CELSR3: variants seen among roughly 807,000 people sequenced by gnomAD.
CELSR3 encodes the protein cadherin EGF LAG seven-pass G-type receptor 3, also known as EGF-like protein 1.
In CELSR3, 73 loss-of-function variants were observed where a neutral mutation model predicts 270.0. The ratio of observed to expected loss-of-function variants is 0.27; its 90% CI spans 0.22 to 0.33. The LOEUF (loss-of-function observed/expected upper bound fraction) is 0.33. CELSR3 is among the 10% of genes least tolerant of loss of function. The pLI, the probability that CELSR3 is intolerant of heterozygous loss-of-function variation, is 1.00. For missense variants in CELSR3, 3,614 were observed against 4,533.8 expected (o/e 0.80, Z 5.83); for synonymous variants, 1,780 against 1,905.4 (o/e 0.93, Z 1.71).
chr3:48,659,487 G>C lies in CELSR3; in HGVS notation c.3148C>G (p.Pro1050Ala). 1 of 1,614,206 alleles carries C rather than the reference G, an allele frequency of 6.2e-7. No individual in the cohort carries two copies. The highest frequency in any genetic ancestry group is 1.3e-5 in the African/African-American group (1 of 75,036). ...TGCACCATCACCTGGATACTGACTG[G>C]AGTCCGGAGTGGGGGCACACCTCTG... ...VDRGVPPLRT[P>A]VSIQVMVQDV... Residue 1050 changes from proline to alanine, a missense_variant, in exon 1 of 35, where the codon CCA (proline) becomes GCA (alanine). Around this residue, in one of 7 missense-constraint regions of CELSR3, gnomAD observed 1,331 missense variants for 1,933.7 expected, o/e 0.69. Coordinates refer to ENST00000164024, the MANE Select transcript of CELSR3 (RefSeq NM_001407.3). The surrounding 1 kb of genome is among the most constrained non-coding windows in gnomAD (Gnocchi z 8.1).
In CELSR3 at chr3:48,639,577, A is replaced by G. The variant is rs750605389; in HGVS notation, c.9911+97T>C. Reference sequence around the variant, plus strand: ...CTGGGGTAGCCCACACCTGTCTGCCAGCCCTCATCCCCTTCTGTGGCAGAA... The same window carrying G: ...CTGGGGTAGCCCACACCTGTCTGCCGGCCCTCATCCCCTTCTGTGGCAGAA... On this transcript the variant is annotated intron_variant, in intron 34 of 34. Transcript: ENST00000164024. The surrounding 1 kb of genome is among the most constrained non-coding windows in gnomAD (Gnocchi z 4.1). 699 of 1,512,284 alleles carry G rather than the reference A, an allele frequency of 4.6e-4. No individual in the cohort carries two copies. The highest frequency in any genetic ancestry group is 5.9e-4 in the Admixed American group (32 of 54,678). 93.7% of individuals were successfully genotyped at this position (1,512,284 alleles called of 1,614,324 possible).
At chr3:48,643,188 G>T in intron 28 of CELSR3, 105 bp from the exon 29 acceptor site, 2 of 776,932 alleles carry the variant, frequency 2.6e-6, no homozygotes, top group Non-Finnish European at 4.4e-6. Flanking sequence ...GCTAGTGTGG[G>T]TCAGTGAGGA....
rs1339698934 is a variant in CELSR3 at position 48,640,323 on chromosome 3, C to G, written c.9262G>C (p.Ala3088Pro). The change falls in exon 34 of 35, where the codon GCC becomes CCC. Residue 3088 changes from alanine to proline, a missense_variant. This residue lies in a region of CELSR3 where 1,240 missense variants were observed against 1,351.7 expected (regional missense o/e 0.92). Coordinates refer to ENST00000164024, the MANE Select transcript of CELSR3 (RefSeq NM_001407.3). The surrounding 1 kb of genome is among the most constrained non-coding windows in gnomAD (Gnocchi z 7.5). ...AGGGGACGTAGAACAGGGGCAGGGG[C>G]TTCCTCTAGTCGCTCACGGCTCAGT... is the stretch of plus-strand genomic sequence containing the variant. ...RQLSRERLEE[A>P]PAPVLRPLSR... 1 of 1,612,490 alleles carries G rather than the reference C, an allele frequency of 6.2e-7. No homozygotes were observed. Among genetic ancestry groups the G allele is most frequent in the Non-Finnish European group, 8.5e-7 (1 of 1,179,832 alleles).
chr3:48,653,205 T>C lies in CELSR3; in HGVS notation c.5449-18A>G. The C allele has an allele frequency of 2.5e-6, 4 of 1,611,440 alleles. No individual in the cohort carries two copies. Among genetic ancestry groups the C allele is most frequent in the Non-Finnish European group, 3.4e-6 (4 of 1,178,812 alleles). On this transcript the variant is annotated intron_variant, in intron 9 of 34. Coordinates refer to ENST00000164024, the MANE Select transcript of CELSR3 (RefSeq NM_001407.3). The surrounding 1 kb of genome is among the most constrained non-coding windows in gnomAD (Gnocchi z 6.5). ...CGATCTAGCTGTGGGCAGAGATGCA[T>C]AGCCCTGGGGTTAGAGCCCCATGTG...
chr3:48,645,522 C>G lies in CELSR3; in HGVS notation c.7718G>C (p.Gly2573Ala). Reference protein sequence around the residue: ...SLRSLKSNVRGIHANVAAALG... With the variant: ...SLRSLKSNVRAIHANVAAALG... ...GGCGGCTGCCACATTGGCATGGATC[C>G]CACGCACATTGGACTTGAGGCTGCG... is the stretch of plus-strand genomic sequence containing the variant. The change falls in exon 24 of 35, where the codon GGG becomes GCG. Residue 2573 changes from glycine to alanine, a missense_variant. Gly to Ala is a moderately conservative substitution (Grantham distance 60). This residue lies in a region of CELSR3 where 1,240 missense variants were observed against 1,351.7 expected (regional missense o/e 0.92). Coordinates refer to ENST00000164024, the MANE Select transcript of CELSR3 (RefSeq NM_001407.3). The surrounding 1 kb of genome is among the most constrained non-coding windows in gnomAD (Gnocchi z 5.4). The G allele has an allele frequency of 6.2e-7, 1 of 1,612,790 alleles. No individual in the cohort carries two copies. Among genetic ancestry groups the G allele is most frequent in the Non-Finnish European group, 8.5e-7 (1 of 1,180,018 alleles).
chr3:48,638,492 T>C (rs13076269), intron 34 of CELSR3, among the ~76,000 whole-genome samples: 22,165 of 152,110 alleles, frequency 0.15, 1,930 homozygotes, highest in African/African-American at 0.25. Flanking sequence ...AGATGCTATA[T>C]TGAGCACTTG....
At position 48,656,203 on chromosome 3, in the gene CELSR3, G is replaced by A. The variant is rs1214020031; in HGVS notation, c.4562C>T (p.Pro1521Leu). ...PRCEVAARSF[P>L]PSSFVMFRGL... ...GCGAAACATGACGAACGAACTGGGC[G>A]GGAAGGAGCGCGCAGCCACCTCGCA... Residue 1521 changes from proline (P) to leucine (L), a missense_variant, in exon 3 of 35, where the codon CCG (proline) becomes CTG (leucine). Physicochemically the swap from Pro to Leu is moderately conservative, Grantham distance 98. This residue lies in a region of CELSR3 where 1,331 missense variants were observed against 1,933.7 expected (regional missense o/e 0.69). Coordinates refer to ENST00000164024, the MANE Select transcript of CELSR3 (RefSeq NM_001407.3). The A allele has an allele frequency of 6.5e-7, 1 of 1,537,520 alleles. No homozygotes were observed. The highest frequency in any genetic ancestry group is 8.7e-7 in the Non-Finnish European group (1 of 1,147,828).
At chr3:48,643,114 G>A (rs1340558877) in intron 28 of CELSR3, 31 bp from the exon 29 acceptor site, 13 of 1,433,808 alleles carry the variant, frequency 9.1e-6, no homozygotes, top group South Asian at 4.6e-5. Flanking sequence ...AAGCAGAGTC[G>A]GCAGGGATCA....
chr3:48,656,433 CCGCG>C, intron 2 of CELSR3, 68 bp from the exon 3 acceptor site: 5 of 1,346,496 alleles, frequency 3.7e-6, no homozygotes, highest in Non-Finnish European at 4.8e-6. Context: ...CCTTCAAAGA[CCGCG>C]CGCCCAGAGG....
chr3:48,656,154 A>G lies in CELSR3; in HGVS notation c.4611T>C (p.Leu1537=). The change falls in exon 3 of 35, where the codon CTT becomes CTC. Residue 1537 remains leucine (L), a synonymous_variant. Coordinates refer to ENST00000164024, the MANE Select transcript of CELSR3 (RefSeq NM_001407.3). Reference sequence around the variant, plus strand: ...CGGGCACCTACGAGAGGGACAGCGTAAGGTGGAATCGCTGCCGCAGGCCGC... The same window carrying G: ...CGGGCACCTACGAGAGGGACAGCGTGAGGTGGAATCGCTGCCGCAGGCCGC... ...MFRGLRQRFH[L]TLSLSFATVQ... is the part of the protein sequence containing the mutation. The G allele has an allele frequency of 6.5e-7, 1 of 1,536,588 alleles. No individual in the cohort carries two copies. Among genetic ancestry groups the G allele is most frequent in the South Asian group, 1.2e-5 (1 of 84,096 alleles).
chr3:48,650,717 G>A lies in CELSR3; in HGVS notation c.6371-136C>T. The A allele has an allele frequency of 3.9e-6, 4 of 1,025,184 alleles. No individual in the cohort carries two copies. The highest frequency in any genetic ancestry group is 5.7e-6 in the Non-Finnish European group (4 of 706,412). The allele number at this position is 1,025,184 out of a possible 1,614,324, so 63.5% of individuals were successfully genotyped here. ...TGGCTTCTCAGGAGCTGACCTGTCA[G>A]ATTCTGTGACAGGTCAGCAAAGTAC... On this transcript the variant is annotated intron_variant, in intron 15 of 34. Transcript: ENST00000164024. The surrounding 1 kb of genome is among the most constrained non-coding windows in gnomAD (Gnocchi z 5.1).
At chr3:48,656,490 A>C in intron 2 of CELSR3, 125 bp from the exon 3 acceptor site, 1 of 1,130,646 alleles carries the variant, frequency 8.8e-7, no homozygotes, top group Non-Finnish European at 1.2e-6. Context: ...TTCGGTGGAC[A>C]CGCCCCTTCC....
chr3:48,642,374 C>T lies in CELSR3; in HGVS notation c.8649G>A (p.Met2883Ile). ...CAACTCCACCAGCATCTCGATGGAA[C>T]ATGGCCACGTCCAGGTCAGTGGGGC... The part of the protein sequence containing the change: ...HAGPTDLDVA[M>I]FHRDAGADSD... Residue 2883 changes from methionine to isoleucine, a missense_variant, in exon 31 of 35, where the codon ATG (methionine) becomes ATA (isoleucine). Around this residue, in one of 7 missense-constraint regions of CELSR3, gnomAD observed 1,240 missense variants for 1,351.7 expected, o/e 0.92. Transcript: ENST00000164024. The surrounding 1 kb of genome is among the most constrained non-coding windows in gnomAD (Gnocchi z 6.1). 6.2e-7 allele frequency: 1 copy of T among 1,612,982 alleles called. No homozygotes were observed. Among genetic ancestry groups the T allele is most frequent in the East Asian group, 2.2e-5 (1 of 44,888 alleles).
In CELSR3 at chr3:48,652,331, C is replaced by A; in HGVS notation, c.5751+106G>T. 1 of 966,750 alleles carries A rather than the reference C, an allele frequency of 1.0e-6. No individual in the cohort carries two copies. Among genetic ancestry groups the A allele is most frequent in the Non-Finnish European group, 1.7e-6 (1 of 598,994 alleles). The allele number at this position is 966,750 out of a possible 1,614,324, so 59.9% of individuals were successfully genotyped here. A position where few individuals can be genotyped will look rare whatever the true frequency, so the allele number is the denominator to read the frequency against. On this transcript the variant is annotated intron_variant, in intron 11 of 34. Transcript: ENST00000164024. The surrounding 1 kb of genome is among the most constrained non-coding windows in gnomAD (Gnocchi z 4.3). ...CTCTCAACTCTGGGTCATTCACCCC[C>A]TCGCACCAACCCCCACTTGAATACT... is the stretch of plus-strand genomic sequence containing the variant.
Position 48,653,780 on chromosome 3 carries a change from G to A in CELSR3, c.5287C>T (p.His1763Tyr), listed in dbSNP as rs1411799403. The change falls in exon 9 of 35, where the codon CAT (histidine) becomes TAT (tyrosine). Residue 1763 changes from histidine to tyrosine, a missense_variant. This residue lies in a region of CELSR3 where 1,331 missense variants were observed against 1,933.7 expected (regional missense o/e 0.69). Transcript: ENST00000164024. This position sits in a 1 kb window ranked among gnomAD's most constrained non-coding sequence, Gnocchi z 6.5. Reference protein sequence around the residue: ...GGKDCQLTMAHPHHFRGNGTL... With the variant: ...GGKDCQLTMAYPHHFRGNGTL... ...CCGTTGCCACGGAAATGGTGGGGATGGGCCATAGCTGAGTGGATAAGAGAA... is the reference window on the plus strand; with the variant it reads ...CCGTTGCCACGGAAATGGTGGGGATAGGCCATAGCTGAGTGGATAAGAGAA... 1 of 1,614,138 alleles carries A rather than the reference G, an allele frequency of 6.2e-7. No individual in the cohort carries two copies. The highest frequency in any genetic ancestry group is 2.2e-5 in the East Asian group (1 of 44,884).
At position 48,651,101 on chromosome 3, in the gene CELSR3, G is replaced by A; in HGVS notation, c.6187-26C>T. 1 of 1,538,914 alleles carries A rather than the reference G, an allele frequency of 6.5e-7. No individual in the cohort carries two copies. The highest frequency in any genetic ancestry group is 8.7e-7 in the Non-Finnish European group (1 of 1,143,402). On this transcript the variant is annotated intron_variant, in intron 14 of 34. Transcript: ENST00000164024. The surrounding 1 kb of genome is among the most constrained non-coding windows in gnomAD (Gnocchi z 7.4). Reference sequence around the variant, plus strand: ...CTGTTTGAGGATGGGCCAGGGGCCTGAAGTCAGAGGTCAGGGCTTGGGGAA... The same window carrying A: ...CTGTTTGAGGATGGGCCAGGGGCCTAAAGTCAGAGGTCAGGGCTTGGGGAA...
Position 48,643,538 on chromosome 3 carries a change from G to T in CELSR3, c.8289+16C>A. The T allele has an allele frequency of 6.5e-7, 1 of 1,547,716 alleles. No individual in the cohort carries two copies. The highest frequency in any genetic ancestry group is 1.2e-5 in the South Asian group (1 of 83,928). Reference sequence around the variant, plus strand: ...GCCCACCTGGTTCTGGGGCAAGGGAGGGGCACCAGAGTCACCTGGAGGCCG... The same window carrying T: ...GCCCACCTGGTTCTGGGGCAAGGGATGGGCACCAGAGTCACCTGGAGGCCG... On this transcript the variant is annotated intron_variant, in intron 28 of 34. Transcript: ENST00000164024.
Position 48,661,738 on chromosome 3 carries a change from C to G in CELSR3, c.897G>C (p.Pro299=). The G allele has an allele frequency of 5.1e-6, 8 of 1,581,332 alleles. No individual in the cohort carries two copies. Among genetic ancestry groups the G allele is most frequent in the Non-Finnish European group, 6.9e-6 (8 of 1,165,568 alleles). ...TTACTTTCCTGGCTTCAGGACGGGC[C>G]GGGAGTCCCGGGGGACGCGGCCCGG... ...QRPGPRPPGL[P]ARPEARKVTS... is the part of the protein sequence containing the mutation. Residue 299 remains proline (P), a synonymous_variant, in exon 1 of 35, where the codon CCG becomes CCC. Transcript: ENST00000164024.
Position 48,650,684 on chromosome 3 carries a change from A to G in CELSR3, c.6371-103T>C, listed in dbSNP as rs1458558886. On this transcript the variant is annotated intron_variant, in intron 15 of 34. Transcript: ENST00000164024. The surrounding 1 kb of genome is among the most constrained non-coding windows in gnomAD (Gnocchi z 5.1). ...CCCCCCACAAGGCCCACTGCCCGCC[A>G]CTCCTGCTGGCTTCTCAGGAGCTGA... The G allele has an allele frequency of 9.4e-7, 1 of 1,068,258 alleles. No homozygotes were observed. The allele number at this position is 1,068,258 out of a possible 1,614,324, so 66.2% of individuals were successfully genotyped here. A position where few individuals can be genotyped will look rare whatever the true frequency, so the allele number is the denominator to read the frequency against.
Sources: gnomAD v4.1 joint callset for allele counts (sites outside exome capture counted in the v4.1 genomes callset) on GRCh38, gnomAD v4.1.1 for gene constraint, gnomAD v4.1.1 regional missense constraint, Gnocchi (gnomAD v3.1) non-coding constraint, MANE v1.5 for transcripts, NCBI Gene and HGNC (gene_info 2026-07-23, HGNC 2026-07-21) for gene names.